POLN: variants seen among roughly 807,000 people sequenced by gnomAD.
POLN encodes the protein DNA polymerase N.
A neutral mutation model predicts 113.5 loss-of-function variants in POLN; 108 were observed. That is an observed-to-expected ratio of 0.95 (90% CI 0.81 to 1.12). The LOEUF (loss-of-function observed/expected upper bound fraction) is 1.12, where lower values mean the gene tolerates loss of function less well. POLN is among the 50% of genes most tolerant of loss of function. POLN has a pLI of 0.00. For synonymous variants in POLN, 386 were observed against 391.5 expected (o/e 0.99, Z 0.17); for missense variants, 1,097 against 1,077.1 (o/e 1.02, Z -0.26).
At chr4:2,152,404 C>T (rs889001404) in intron 16 of POLN, among the ~76,000 whole-genome samples, 4 of 142,580 alleles carry the variant, frequency 2.8e-5, no homozygotes, top group Non-Finnish European at 6.0e-5. Flanking sequence ...TGCTGTGATG[C>T]GATCACAACT....
Position 2,072,995 on chromosome 4 carries a change from C to T in POLN, c.2490G>A (p.Gln830=). The change falls in exon 25 of 26, where the codon CAG becomes CAA. Residue 830 remains glutamine (Q), a synonymous_variant. Coordinates refer to ENST00000511885, the MANE Select transcript of POLN (RefSeq NM_181808.4). Reference sequence around the variant, plus strand: ...GAAGCTGCAGCTCCAATGCCTGCACCTGTTCCAAGGACTCCATGGTCCTCC... The same window carrying T: ...GAAGCTGCAGCTCCAATGCCTGCACTTGTTCCAAGGACTCCATGGTCCTCC... The part of the protein sequence containing the change: ...LVRRTMESLE[Q]VQALELQLQV... 1 of 1,613,576 alleles carries T rather than the reference C, an allele frequency of 6.2e-7. No individual in the cohort carries two copies. Among genetic ancestry groups the T allele is most frequent in the South Asian group, 1.1e-5 (1 of 91,072 alleles).
In POLN at chr4:2,128,245, G is replaced by T; in HGVS notation, c.1868-18C>A. 6.6e-7 allele frequency: 1 copy of T among 1,517,458 alleles called. No individual in the cohort carries two copies. The allele number at this position is 1,517,458 out of a possible 1,614,324, so 94.0% of individuals were successfully genotyped here. A position where few individuals can be genotyped will look rare whatever the true frequency, so the allele number is the denominator to read the frequency against. Reference sequence around the variant, plus strand: ...TGAAAAGTCTGTGAGATACAGTTCTGCATTAATTTAGAGTTTGCCAGCAAT... The same window carrying T: ...TGAAAAGTCTGTGAGATACAGTTCTTCATTAATTTAGAGTTTGCCAGCAAT... On this transcript the variant is annotated intron_variant, in intron 18 of 25. Transcript: ENST00000511885.
Position 2,159,166 on chromosome 4 carries a change from C to T in POLN, c.1600G>A (p.Glu534Lys). 6.2e-7 allele frequency: 1 copy of T among 1,607,786 alleles called. No individual in the cohort carries two copies. The highest frequency in any genetic ancestry group is 8.5e-7 in the Non-Finnish European group (1 of 1,174,742). Reference sequence around the variant, plus strand: ...AAAAATTAACTTACCTGCCTGTATTCCAAAATTATCTTGGGTAATGGATGA... The same window carrying T: ...AAAAATTAACTTACCTGCCTGTATTTCAAAATTATCTTGGGTAATGGATGA... The part of the protein sequence containing the change: ...DLHPLPKIIL[E>K]YRQVHKIKST... The change falls in exon 14 of 26, where the codon GAA (glutamate) becomes AAA (lysine). Residue 534 changes from glutamate (E) to lysine (K), a missense_variant. Glu to Lys is a moderately conservative substitution (Grantham distance 56). Coordinates refer to ENST00000511885, the MANE Select transcript of POLN (RefSeq NM_181808.4).
In POLN at chr4:2,193,121, G is replaced by A. The variant is rs923498409; in HGVS notation, c.1021+83C>T. The stretch of plus-strand genomic sequence containing the variant: ...AGGTCCTCCAGGAGTTGTGTGACAT[G>A]GCTGCCCTCACCATTCTCCCATTCA... On this transcript the variant is annotated intron_variant, in intron 7 of 25. Coordinates refer to ENST00000511885, the MANE Select transcript of POLN (RefSeq NM_181808.4). 3 of 1,054,822 alleles carry A rather than the reference G, an allele frequency of 2.8e-6. No individual in the cohort carries two copies. In the African/African-American group the frequency reaches 5.2e-5, roughly 18 times the overall value. The allele number at this position is 1,054,822 out of a possible 1,614,324, so 65.3% of individuals were successfully genotyped here.
intron 3 of POLN, among the ~76,000 whole-genome samples, chr4:2,224,708 T>G (rs1274507597): frequency 6.6e-6 from 1 of 152,126 alleles, no homozygotes; most frequent in Non-Finnish European, 1.5e-5. Flanking sequence ...CTCAGCACTT[T>G]GGGAGGCCGA....
chr4:2,092,624 C>T (rs1474872732), intron 20 of POLN, among the ~76,000 whole-genome samples: 1 of 152,236 alleles, frequency 6.6e-6, no homozygotes, highest in Non-Finnish European at 1.5e-5. Flanking sequence ...CTGCTGCTTC[C>T]TCTGCTGTAT....
intron 20 of POLN, among the ~76,000 whole-genome samples, chr4:2,095,551 G>A (rs1237518295): frequency 6.6e-6 from 1 of 152,156 alleles, no homozygotes; most frequent in Non-Finnish European, 1.5e-5. Context: ...TCTCCTCGAA[G>A]GTCTCCAAGC....
intron 19 of POLN, among the ~76,000 whole-genome samples, chr4:2,096,723 A>AGT (rs1363832418): frequency 5.9e-4 from 89 of 151,918 alleles, no homozygotes; most frequent in African/African-American, 2.0e-3. Flanking sequence ...AGAGAGAGAG[A>AGT]GAGAGAGACA....
chr4:2,157,991 G>A, intron 14 of POLN, 80 bp from the exon 15 acceptor site: 1 of 1,129,954 alleles, frequency 8.8e-7, no homozygotes, highest in East Asian at 2.6e-5. Flanking sequence ...TCGCTCCATT[G>A]CCCAGGCTGG....
At position 2,178,991 on chromosome 4, in the gene POLN, C is replaced by T. The variant is rs114313214; in HGVS notation, c.1179+317G>A. Among the ~76,000 whole-genome samples the T allele has an allele frequency of 6.3e-3, 960 of 152,208 alleles. 12 individuals carry two copies. Among genetic ancestry groups the T allele is most frequent in the African/African-American group, 0.022 (895 of 41,528 alleles). On this transcript the variant is annotated intron_variant, in intron 8 of 25. Transcript: ENST00000511885. The stretch of plus-strand genomic sequence containing the variant: ...CCCAGGACCTCTGGCACTGTGGCCA[C>T]GTCACCAGCCCTAAGGATTTATCAA...
At chr4:2,224,297 T>C (rs1734331815) in intron 3 of POLN, among the ~76,000 whole-genome samples, 1 of 152,220 alleles carries the variant, frequency 6.6e-6, no homozygotes, top group Admixed American at 6.5e-5. Context: ...CACTAATACA[T>C]ATGGAGCTGT....
At chr4:2,241,973 C>A in intron 1 of POLN, 78 bp downstream of exon 1, 17 of 985,564 alleles carry the variant, frequency 1.7e-5, no homozygotes, top group Non-Finnish European at 2.0e-5. Context: ...AAAAGAGGCA[C>A]CTGGGTGCAG....
intron 20 of POLN, chr4:2,090,753 T>G (rs542816190): frequency 1.0e-4 from 19 of 182,508 alleles, no homozygotes; most frequent in Non-Finnish European, 1.7e-4. Flanking sequence ...TCTGTCTCCC[T>G]GTAGTGGGAA....
chr4:2,144,593 C>T (rs1038171727), intron 16 of POLN, among the ~76,000 whole-genome samples: 1 of 152,148 alleles, frequency 6.6e-6, no homozygotes, highest in Admixed American at 6.5e-5. Flanking sequence ...AATATATACA[C>T]TACTGGAGGA....
At chr4:2,170,603 G>C in intron 13 of POLN, 76 bp downstream of exon 13, 1 of 1,257,246 alleles carries the variant, frequency 8.0e-7, no homozygotes, top group Non-Finnish European at 1.1e-6. Flanking sequence ...GTCTCGGGTG[G>C]GTCTGAAGGT....
chr4:2,161,325 T>C (rs1732582665), intron 13 of POLN, among the ~76,000 whole-genome samples: 1 of 151,736 alleles, frequency 6.6e-6, no homozygotes, highest in South Asian at 2.1e-4. Flanking sequence ...CCAGCTGGAG[T>C]TCAGGGTGGG....
At chr4:2,134,871 A>G (rs1284726309) in intron 16 of POLN, among the ~76,000 whole-genome samples, 1 of 152,224 alleles carries the variant, frequency 6.6e-6, no homozygotes, top group Non-Finnish European at 1.5e-5. Context: ...AATGAGTGAG[A>G]CAGAGAGGCA....
chr4:2,240,222 T>G, intron 2 of POLN: 1 of 1,613,852 alleles, frequency 6.2e-7, no homozygotes, highest in Non-Finnish European at 8.5e-7. Flanking sequence ...TGTCTGTATA[T>G]CTAAAAGTTG....
Position 2,145,642 on chromosome 4 carries a change from G to A in POLN, c.1731+11146C>T, listed in dbSNP as rs192800965. 1.9e-3 allele frequency among the ~76,000 whole-genome samples: 294 copies of A among 152,256 alleles called. 2 individuals are homozygous for A. Among genetic ancestry groups the A allele is most frequent in the Middle Eastern group, 6.8e-3 (2 of 294 alleles). On this transcript the variant is annotated intron_variant, in intron 16 of 25. Coordinates refer to ENST00000511885, the MANE Select transcript of POLN (RefSeq NM_181808.4). ...AAATTGGCAAAAACTTAAAAATCTG[G>A]TAATACCAAGTGCGGTGGTCTGTAG... is the stretch of plus-strand genomic sequence containing the variant.
Sources: allele counts gnomAD v4.1 joint callset (sites outside exome capture counted in the v4.1 genomes callset), GRCh38; gene constraint gnomAD v4.1.1; transcripts MANE v1.5; gene names NCBI Gene and HGNC (gene_info 2026-07-23, HGNC 2026-07-21).